SNX13: variants seen among roughly 807,000 people sequenced by gnomAD.
SNX13 encodes sorting nexin-13.
In SNX13, 45 loss-of-function variants were observed where a neutral mutation model predicts 133.6. The ratio of observed to expected loss-of-function variants is 0.34; its 90% confidence interval spans 0.27 to 0.43. The LOEUF (loss-of-function observed/expected upper bound fraction) is 0.43. SNX13 is among the 20% of genes least tolerant of loss of function. The pLI, the probability that SNX13 is intolerant of heterozygous loss-of-function variation, is 1.00. For synonymous variants in SNX13, 414 were observed against 373.9 expected, an observed-to-expected ratio of 1.11 and a Z score of -1.24; for missense variants, 1,032 against 1,145.1, an observed-to-expected ratio of 0.90 and a Z score of 1.43.
chr7:17,905,065 A>G (rs1798247837), intron 1 of SNX13, among the ~76,000 whole-genome samples: 1 of 152,188 alleles, frequency 6.6e-6, no homozygotes, highest in Non-Finnish European at 1.5e-5. Flanking sequence ...AAGGACCTTA[A>G]AGTGTTCCTC....
Position 17,805,250 on chromosome 7 carries a change from T to TGTGTGTGC in SNX13, c.2065-1671_2065-1670insGCACACAC. Among the ~76,000 whole-genome samples the TGTGTGTGC allele has an allele frequency of 3.2e-3, 304 of 95,578 alleles. 1 individual carries two copies. Among genetic ancestry groups the TGTGTGTGC allele is most frequent in the East Asian group, 9.1e-3 (37 of 4,080 alleles). 62.7% of individuals were successfully genotyped at this position (95,578 alleles called of 152,430 possible). ...GTGTGTGTGTGTGTGTGTGTGTGTG[T>TGTGTGTGC]GCGTGCGCGCGCGCGCATGCATGCA... On this transcript the variant is annotated intron_variant, in intron 20 of 25. Transcript: ENST00000428135.
chr7:17,878,173 C>A (rs933547256), intron 5 of SNX13, among the ~76,000 whole-genome samples: 15 of 152,118 alleles, frequency 9.9e-5, no homozygotes, highest in African/African-American at 3.6e-4. Context: ...ATTATTCTTA[C>A]ATTATGCCAA....
chr7:17,905,802 T>C (rs1798335704), intron 1 of SNX13, among the ~76,000 whole-genome samples: 1 of 152,154 alleles, frequency 6.6e-6, no homozygotes, highest in African/African-American at 2.4e-5. Context: ...ATTTACACTT[T>C]TACAGATTTT....
At chr7:17,928,382 TTAACTA>T (rs1772788214) in intron 1 of SNX13, among the ~76,000 whole-genome samples, 1 of 152,168 alleles carries the variant, frequency 6.6e-6, no homozygotes, top group Admixed American at 6.5e-5. Flanking sequence ...GCTAACCACT[TTAACTA>T]TATCTAGTTC....
chr7:17,841,356 G>C (rs192953590), intron 12 of SNX13, among the ~76,000 whole-genome samples: 32 of 152,156 alleles, frequency 2.1e-4, no homozygotes, highest in Admixed American at 9.8e-4. Flanking sequence ...AAGTGACTAT[G>C]CATGCCCAGG....
Position 17,791,255 on chromosome 7 carries a change from T to C in SNX13, c.*2790A>G, listed in dbSNP as rs1246852865. 1 of 151,984 alleles carries C rather than the reference T, an allele frequency of 6.6e-6. No individual in the cohort carries two copies. Among genetic ancestry groups the C allele is most frequent in the Admixed American group, 6.6e-5 (1 of 15,234 alleles). The allele number at this position is 151,984 out of a possible 1,614,324, so 9.4% of individuals were successfully genotyped here. A position where few individuals can be genotyped will look rare whatever the true frequency, so the allele number is the denominator to read the frequency against. On this transcript the variant is annotated 3_prime_UTR_variant, in exon 26 of 26. Transcript: ENST00000428135. The stretch of plus-strand genomic sequence containing the variant: ...TTAAAATTTTAGATTGTGAAATTTA[T>C]ATCATTCTTAATTTTTATAAAAATT...
At chr7:17,868,248 A>G in intron 9 of SNX13, 159 bp downstream of exon 9, 1 of 613,188 alleles carries the variant, frequency 1.6e-6, no homozygotes, top group South Asian at 2.3e-5. Context: ...CATTCAAAAT[A>G]TAAGCAAATA....
rs898042142 is a variant in SNX13, at chr7:17,853,509, A to C, written c.838-2545T>G. ...GTTGACTTCTAATTAGAAACAACAG[A>C]GGCAAAAGGAAAATAAAACAATTTT... On this transcript the variant is annotated intron_variant, in intron 9 of 25. Coordinates refer to ENST00000428135, the MANE Select transcript of SNX13 (RefSeq NM_015132.5). Among the ~76,000 whole-genome samples the C allele has an allele frequency of 1.3e-5, 2 of 152,244 alleles. 1 individual carries two copies. Among genetic ancestry groups the C allele is most frequent in the Admixed American group, 1.3e-4 (2 of 15,286 alleles).
chr7:17,823,475 T>C (rs1787533791), intron 17 of SNX13, among the ~76,000 whole-genome samples: 2 of 152,248 alleles, frequency 1.3e-5, no homozygotes, highest in Non-Finnish European at 2.9e-5. Context: ...GGACTCTATA[T>C]TGGCAAGAGT....
At chr7:17,865,344 T>A (rs1250802848) in intron 9 of SNX13, among the ~76,000 whole-genome samples, 1 of 152,162 alleles carries the variant, frequency 6.6e-6, no homozygotes, top group African/African-American at 2.4e-5. Context: ...AGTGTTTCTA[T>A]GTGAACAATT....
chr7:17,828,192 T>A (rs1006222901), intron 16 of SNX13, among the ~76,000 whole-genome samples: 2 of 151,782 alleles, frequency 1.3e-5, no homozygotes, highest in African/African-American at 4.8e-5. Flanking sequence ...GTTACAGTTA[T>A]AGTGCACGTA....
intron 1 of SNX13, among the ~76,000 whole-genome samples, chr7:17,912,859 G>C (rs1043718386): frequency 6.6e-6 from 1 of 152,182 alleles, no homozygotes; most frequent in Non-Finnish European, 1.5e-5. Context: ...AGTCAGAATT[G>C]AGTGGCGAGT....
intron 15 of SNX13, chr7:17,831,860 G>A: frequency 1.0e-6 from 1 of 984,224 alleles, no homozygotes; most frequent in Non-Finnish European, 1.2e-6. Context: ...TACTAGTTGA[G>A]AAAGGTAAAC....
chr7:17,838,385 T>G (rs1789405849), intron 13 of SNX13, among the ~76,000 whole-genome samples: 1 of 151,954 alleles, frequency 6.6e-6, no homozygotes, highest in Non-Finnish European at 1.5e-5. Context: ...TCATGGCCAG[T>G]CTAGCTAAAG....
chr7:17,809,702 T>C (rs1785774713), intron 20 of SNX13, among the ~76,000 whole-genome samples: 1 of 152,114 alleles, frequency 6.6e-6, no homozygotes, highest in Admixed American at 6.5e-5. Context: ...TATTCTAAAA[T>C]TGACCACATA....
chr7:17,929,680 A>G (rs1392666118), intron 1 of SNX13, among the ~76,000 whole-genome samples: 1 of 152,218 alleles, frequency 6.6e-6, no homozygotes, highest in Non-Finnish European at 1.5e-5. Flanking sequence ...ATAGCATTTC[A>G]AAAGCATAAT....
rs889966259 is a variant in SNX13 at position 17,793,612 on chromosome 7, T to C, written c.*433A>G. The C allele has an allele frequency of 1.3e-5, 2 of 153,996 alleles. No homozygotes were observed. Among genetic ancestry groups the C allele is most frequent in the African/African-American group, 2.4e-5 (1 of 41,440 alleles). The allele number at this position is 153,996 out of a possible 1,614,324, so 9.5% of individuals were successfully genotyped here. A position where few individuals can be genotyped will look rare whatever the true frequency, so the allele number is the denominator to read the frequency against. On this transcript the variant is annotated 3_prime_UTR_variant, in exon 26 of 26. Transcript: ENST00000428135. ...TGCTGACAGACCTACAAAATCATTA[T>C]GCCAAACAAACTCCTCCAAGTCGTA...
chr7:17,836,208 A>G (rs1789114243), intron 13 of SNX13, among the ~76,000 whole-genome samples: 1 of 152,006 alleles, frequency 6.6e-6, no homozygotes, highest in African/African-American at 2.4e-5. Flanking sequence ...TCTTCCAAAA[A>G]AAGTAATACA....
chr7:17,817,484 G>A (rs1455340809), intron 18 of SNX13, among the ~76,000 whole-genome samples: 1 of 152,142 alleles, frequency 6.6e-6, no homozygotes, highest in East Asian at 1.9e-4. Context: ...AAAAGGATTA[G>A]GATAATTTCC....
Sources: gnomAD v4.1 joint callset for allele counts (sites outside exome capture counted in the v4.1 genomes callset) on GRCh38, gnomAD v4.1.1 for gene constraint, MANE v1.5 for transcripts, NCBI Gene and HGNC (gene_info 2026-07-23, HGNC 2026-07-21) for gene names.